Variants in SH3GL2 observed in about 807,000 individuals in gnomAD.
SH3GL2 encodes SH3 domain containing GRB2 like 2, endophilin A1.
Under a neutral mutation model 46.0 loss-of-function variants are expected in SH3GL2, and 24 were observed. The ratio of observed to expected loss-of-function variants is 0.52; its 90% CI spans 0.38 to 0.73. The LOEUF (loss-of-function observed/expected upper bound fraction) is 0.73. Ranked by LOEUF, SH3GL2 falls within the 30% of genes least tolerant of loss-of-function variation. The probability of loss-of-function intolerance (pLI) is 0.00; values close to 1 mark genes in which losing one functional copy is unlikely to be tolerated. For missense variants in SH3GL2, 413 were observed against 424.2 expected (o/e 0.97, Z 0.23); for synonymous variants, 196 against 147.1 (o/e 1.33, Z -2.40).
rs1554645334 is a variant in SH3GL2 at position 17,738,641 on chromosome 9, TAGAG to T, written c.46-8395_46-8392del. On this transcript the variant is annotated intron_variant, in intron 1 of 8. Coordinates refer to ENST00000380607, the MANE Select transcript of SH3GL2 (RefSeq NM_003026.5). ...TCATGTGATTTTATATATATATATA[TAGAG>T]AGAGAGAGAGAGAGAGAGAGAGAGA... Among the ~76,000 whole-genome samples, 331 of 88,864 alleles carry T rather than the reference TAGAG, an allele frequency of 3.7e-3. 7 individuals carry two copies. The highest frequency in any genetic ancestry group is 0.011 in the African/African-American group (299 of 26,844). 58.3% of individuals were successfully genotyped at this position (88,864 alleles called of 152,430 possible).
intron 1 of SH3GL2, among the ~76,000 whole-genome samples, chr9:17,726,473 C>A (rs1822023120): frequency 6.6e-6 from 1 of 152,122 alleles, no homozygotes; most frequent in Non-Finnish European, 1.5e-5. Context: ...GGACTTTGGG[C>A]ACTGTAGGGC....
intron 1 of SH3GL2, among the ~76,000 whole-genome samples, chr9:17,690,371 A>C (rs140401407): frequency 6.6e-6 from 1 of 152,034 alleles, no homozygotes; most frequent in African/African-American, 2.4e-5. Flanking sequence ...TTATCTCCCT[A>C]TCCACTATCT....
intron 8 of SH3GL2, among the ~76,000 whole-genome samples, chr9:17,794,011 T>A (rs4141716): frequency 0.82 from 124,399 of 152,232 alleles, 51,274 homozygotes; most frequent in East Asian, 0.92. Flanking sequence ...TTGTAGAAGA[T>A]GATATTTTGA....
intron 1 of SH3GL2, among the ~76,000 whole-genome samples, chr9:17,641,807 A>ATTGCATGG (rs370485598): frequency 0.046 from 7,000 of 152,230 alleles, 286 homozygotes; most frequent in African/African-American, 0.11. Context: ...TGCATGGTTT[A>ATTGCATGG]TTTATGCCAC....
At chr9:17,726,750 G>A (rs901327266) in intron 1 of SH3GL2, among the ~76,000 whole-genome samples, 1 of 152,090 alleles carries the variant, frequency 6.6e-6, no homozygotes, top group Non-Finnish European at 1.5e-5. Context: ...TTAAAACAAT[G>A]ATGTATCATA....
chr9:17,767,177 A>T (rs1823341956), intron 3 of SH3GL2, among the ~76,000 whole-genome samples: 1 of 152,206 alleles, frequency 6.6e-6, no homozygotes, highest in Non-Finnish European at 1.5e-5. Flanking sequence ...CTCTATGGAA[A>T]TGCTTTTCCC....
At chr9:17,649,940 GA>G (rs1819915490) in intron 1 of SH3GL2, among the ~76,000 whole-genome samples, 1 of 152,078 alleles carries the variant, frequency 6.6e-6, no homozygotes, top group East Asian at 1.9e-4. Flanking sequence ...GTTCTATCTA[GA>G]AAAAAAGTAT....
chr9:17,646,757 C>G (rs369819794), intron 1 of SH3GL2, among the ~76,000 whole-genome samples: 2 of 152,164 alleles, frequency 1.3e-5, no homozygotes, highest in South Asian at 4.2e-4. Context: ...CTTCATCCCA[C>G]AGGGGCAACT....
chr9:17,680,335 A>C (rs1273448031), intron 1 of SH3GL2, among the ~76,000 whole-genome samples: 1 of 152,134 alleles, frequency 6.6e-6, no homozygotes, highest in Non-Finnish European at 1.5e-5. Context: ...CAGGGATTCA[A>C]CTTCTTCCTG....
chr9:17,597,383 G>T (rs1316352475), intron 1 of SH3GL2, among the ~76,000 whole-genome samples: 1 of 152,050 alleles, frequency 6.6e-6, no homozygotes, highest in Non-Finnish European at 1.5e-5. Context: ...TGGGTATGGT[G>T]GCACATGCCT....
intron 1 of SH3GL2, among the ~76,000 whole-genome samples, chr9:17,696,115 T>A (rs1821195915): frequency 6.6e-6 from 1 of 152,128 alleles, no homozygotes; most frequent in Non-Finnish European, 1.5e-5. Context: ...CCAAGTCCTT[T>A]CCAGTTCTGA....
chr9:17,591,653 T>A, intron 1 of SH3GL2, among the ~76,000 whole-genome samples: 1 of 152,198 alleles, frequency 6.6e-6, no homozygotes, highest in East Asian at 1.9e-4. Context: ...CACGGTTGTT[T>A]GTGAAGGAAT....
intron 3 of SH3GL2, among the ~76,000 whole-genome samples, chr9:17,780,432 T>G (rs1039730277): frequency 1.3e-5 from 2 of 152,102 alleles, no homozygotes; most frequent in African/African-American, 4.8e-5. Context: ...GATGAGCATT[T>G]AGGTGTTTGC....
At chr9:17,689,642 C>T (rs1011208188) in intron 1 of SH3GL2, among the ~76,000 whole-genome samples, 5 of 152,160 alleles carry the variant, frequency 3.3e-5, no homozygotes, top group African/African-American at 9.6e-5. Context: ...TGGTTGCTGT[C>T]CCTTGAATAT....
intron 1 of SH3GL2, among the ~76,000 whole-genome samples, chr9:17,678,510 C>T (rs1820675981): frequency 1.3e-5 from 2 of 152,016 alleles, no homozygotes; most frequent in Non-Finnish European, 1.5e-5. Context: ...TGCTTGAGTT[C>T]ATTGTAGATT....
chr9:17,738,091 C>G (rs1394724435), intron 1 of SH3GL2, among the ~76,000 whole-genome samples: 1 of 152,044 alleles, frequency 6.6e-6, no homozygotes, highest in African/African-American at 2.4e-5. Context: ...GTCATCTAAA[C>G]AAAACTGCAG....
intron 2 of SH3GL2, chr9:17,755,660 G>T (rs1340511020): frequency 1.5e-5 from 4 of 265,140 alleles, no homozygotes; most frequent in Non-Finnish European, 2.3e-5. Context: ...TCCCTTTAAG[G>T]TGTCTATGTT....
intron 1 of SH3GL2, among the ~76,000 whole-genome samples, chr9:17,580,956 C>T (rs1818266604): frequency 6.6e-6 from 1 of 152,188 alleles, no homozygotes; most frequent in East Asian, 1.9e-4. Context: ...TGAATCCTGC[C>T]TCTGCTGCTT....
chr9:17,740,775 TC>T (rs1159094782), intron 1 of SH3GL2, among the ~76,000 whole-genome samples: 2 of 147,162 alleles, frequency 1.4e-5, no homozygotes, highest in Non-Finnish European at 3.0e-5. Flanking sequence ...GGAATAATAA[TC>T]CCTTATTTAA....
Sources: gnomAD v4.1 joint callset for allele counts (sites outside exome capture counted in the v4.1 genomes callset) on GRCh38, gnomAD v4.1.1 for gene constraint, MANE v1.5 for transcripts, NCBI Gene and HGNC (gene_info 2026-07-23, HGNC 2026-07-21) for gene names.